Variants in SLC35F3 observed in about 807,000 individuals in gnomAD.
SLC35F3 encodes solute carrier family 35 member F3.
SLC35F3 carries 25 observed loss-of-function variants against 49.9 expected under a neutral mutation model. The observed-to-expected ratio is 0.50, with a 90% CI of 0.37 to 0.70. The LOEUF is 0.70. SLC35F3 is among the 30% of genes least tolerant of loss of function. SLC35F3 has a pLI of 0.00. For synonymous variants in SLC35F3, 275 were observed against 265.4 expected, an observed-to-expected ratio of 1.04 and a Z score of -0.35; for missense variants, 525 against 639.8, an observed-to-expected ratio of 0.82 and a Z score of 1.94.
intron 2 of SLC35F3, among the ~76,000 whole-genome samples, chr1:234,004,597 A>T (rs1467293539): frequency 2.6e-5 from 4 of 152,098 alleles, no homozygotes; most frequent in Non-Finnish European, 5.9e-5. Context: ...GAGTCAAATT[A>T]AAAACTAATT....
chr1:233,932,106 T>A (rs1325184844), intron 2 of SLC35F3, among the ~76,000 whole-genome samples: 1 of 150,938 alleles, frequency 6.6e-6, no homozygotes, highest in South Asian at 2.1e-4. Flanking sequence ...AACACATGGA[T>A]GGACACAGGG....
At chr1:234,052,819 G>A (rs1164567698) in intron 2 of SLC35F3, among the ~76,000 whole-genome samples, 2 of 152,206 alleles carry the variant, frequency 1.3e-5, no homozygotes, top group Non-Finnish European at 2.9e-5. Context: ...ATGTGTCCCA[G>A]AGATTCTGGT....
Position 234,231,548 on chromosome 1 carries a change from G to T in SLC35F3, c.415G>T (p.Val139Leu), listed in dbSNP as rs200834507. ...RAQLKKIFWG[V>L]AVVLCVCSSW... is the part of the protein sequence containing the mutation. ...GCAACTCAAGAAGATCTTCTGGGGC[G>T]TGGCGGTCGTGCTGTGCGTGTGCTC... is the stretch of plus-strand genomic sequence containing the variant. Residue 139 changes from valine to leucine, a missense_variant, in exon 3 of 8, where the codon GTG becomes TTG. By Grantham distance (32) the Val-to-Leu change is conservative (BLOSUM62 1). Transcript: ENST00000366618. This position sits in a 1 kb window ranked among gnomAD's most constrained non-coding sequence, Gnocchi z 5.4. 6.8e-6 allele frequency: 11 copies of T among 1,613,998 alleles called. No individual in the cohort carries two copies. Among genetic ancestry groups the T allele is most frequent in the Non-Finnish European group, 9.3e-6 (11 of 1,179,998 alleles).
chr1:234,017,007 C>T (rs1663810880), intron 2 of SLC35F3, among the ~76,000 whole-genome samples: 1 of 152,136 alleles, frequency 6.6e-6, no homozygotes, highest in Admixed American at 6.5e-5. Flanking sequence ...ATTCATTTAA[C>T]CCCATTAAAC....
chr1:234,061,837 T>C (rs1265145081), intron 2 of SLC35F3, among the ~76,000 whole-genome samples: 1 of 152,214 alleles, frequency 6.6e-6, no homozygotes, highest in Non-Finnish European at 1.5e-5. Context: ...TCTTTAGTGG[T>C]ACTCTATTAG....
At position 233,957,142 on chromosome 1, in the gene SLC35F3, G is replaced by A. The variant is rs1662717992; in HGVS notation, c.283+51384G>A. Among the ~76,000 whole-genome samples, 1 of 152,200 alleles carries A rather than the reference G, an allele frequency of 6.6e-6. No homozygotes were observed. Among genetic ancestry groups the A allele is most frequent in the Admixed American group, 6.5e-5 (1 of 15,286 alleles). ...ACCCTAAGAAACATGGGTAGGAGAA[G>A]AATAAAAGCTCTCACCCCTATTCCA... On this transcript the variant is annotated intron_variant, in intron 2 of 7. Coordinates refer to ENST00000366618, the MANE Select transcript of SLC35F3 (RefSeq NM_173508.4). The surrounding 1 kb of genome is among the most constrained non-coding windows in gnomAD (Gnocchi z 4.0).
chr1:234,006,157 A>C (rs939304512), intron 2 of SLC35F3, among the ~76,000 whole-genome samples: 9 of 152,138 alleles, frequency 5.9e-5, no homozygotes, highest in African/African-American at 2.2e-4. Flanking sequence ...TTCAGGCTGG[A>C]GGCTGGGAAC....
At chr1:234,116,459 A>G (rs529674256) in intron 2 of SLC35F3, among the ~76,000 whole-genome samples, 3 of 151,896 alleles carry the variant, frequency 2.0e-5, no homozygotes, top group African/African-American at 7.3e-5. Flanking sequence ...ATTGTCCCAA[A>G]TTTAGCAGTA....
intron 2 of SLC35F3, among the ~76,000 whole-genome samples, chr1:233,929,837 A>T (rs569326236): frequency 6.6e-6 from 1 of 152,298 alleles, no homozygotes; most frequent in East Asian, 1.9e-4. Flanking sequence ...TACAGGGATT[A>T]GAATAAGTTT....
chr1:233,908,536 CTTTTTTTT>C (rs898041195), intron 2 of SLC35F3, among the ~76,000 whole-genome samples: 6 of 84,892 alleles, frequency 7.1e-5, no homozygotes, highest in African/African-American at 2.3e-4. Flanking sequence ...GTAAAGGATT[CTTTTTTTT>C]TTTTTTTTTT....
chr1:233,982,673 T>C (rs1454855231), intron 2 of SLC35F3, among the ~76,000 whole-genome samples: 2 of 152,196 alleles, frequency 1.3e-5, no homozygotes, highest in Non-Finnish European at 2.9e-5. Context: ...TTAGATATGA[T>C]TCTTTTGTCA....
chr1:234,054,481 C>G (rs1664426284), intron 2 of SLC35F3, among the ~76,000 whole-genome samples: 1 of 152,212 alleles, frequency 6.6e-6, no homozygotes, highest in Non-Finnish European at 1.5e-5. Context: ...CCATGGTTTT[C>G]AACTCCATCA....
chr1:234,044,981 C>A (rs1380395350), intron 2 of SLC35F3, among the ~76,000 whole-genome samples: 1 of 152,114 alleles, frequency 6.6e-6, no homozygotes, highest in Non-Finnish European at 1.5e-5. Flanking sequence ...AATCTATTGC[C>A]AGTTATCTGC....
At chr1:233,909,366 T>C (rs992916778) in intron 2 of SLC35F3, among the ~76,000 whole-genome samples, 2 of 152,182 alleles carry the variant, frequency 1.3e-5, no homozygotes, top group African/African-American at 4.8e-5. Flanking sequence ...TTATCATCTG[T>C]TGAGTGGATC....
chr1:234,323,119 G>C lies in SLC35F3; in HGVS notation c.1349G>C (p.Trp450Ser). 4 of 1,614,142 alleles carry C rather than the reference G, an allele frequency of 2.5e-6. No individual in the cohort carries two copies. The highest frequency in any genetic ancestry group is 3.4e-6 in the Non-Finnish European group (4 of 1,180,026). ...LLLLPEEWDV[W>S]LIKLLTRLKV... Reference sequence around the variant, plus strand: ...CTCCTGCCAGAGGAGTGGGATGTCTGGTTGATCAAGCTGCTCACCCGACTC... The same window carrying C: ...CTCCTGCCAGAGGAGTGGGATGTCTCGTTGATCAAGCTGCTCACCCGACTC... Residue 450 changes from tryptophan (W) to serine (S), a missense_variant, in exon 8 of 8, where the codon TGG (tryptophan) becomes TCG (serine). Trp to Ser is a radical substitution (Grantham distance 177). This residue lies in a region of SLC35F3 where 76 missense variants were observed against 95.6 expected (regional missense o/e 0.80). Coordinates refer to ENST00000366618, the MANE Select transcript of SLC35F3 (RefSeq NM_173508.4). This position sits in a 1 kb window ranked among gnomAD's most constrained non-coding sequence, Gnocchi z 4.5.
At chr1:234,069,840 T>A (rs1664686232) in intron 2 of SLC35F3, among the ~76,000 whole-genome samples, 1 of 152,222 alleles carries the variant, frequency 6.6e-6, no homozygotes, top group South Asian at 2.1e-4. Flanking sequence ...CATGCTCAGT[T>A]GTGTCTTGAT....
intron 3 of SLC35F3, among the ~76,000 whole-genome samples, chr1:234,295,429 G>T (rs1486405415): frequency 6.6e-6 from 1 of 152,184 alleles, no homozygotes; most frequent in Non-Finnish European, 1.5e-5. Context: ...CCCTTTCATG[G>T]TGACAAATGC....
intron 3 of SLC35F3, among the ~76,000 whole-genome samples, chr1:234,269,856 G>A (rs1183794976): frequency 6.6e-6 from 1 of 152,048 alleles, no homozygotes; most frequent in Non-Finnish European, 1.5e-5. Context: ...CTCTCACCAC[G>A]TGATCTCTGC....
intron 2 of SLC35F3, among the ~76,000 whole-genome samples, chr1:233,933,826 T>C (rs1427292652): frequency 6.6e-6 from 1 of 152,038 alleles, no homozygotes; most frequent in East Asian, 1.9e-4. Context: ...GCATTCCAAC[T>C]TGAATGACAG....
Sources: gnomAD v4.1 joint callset for allele counts (sites outside exome capture counted in the v4.1 genomes callset) on GRCh38, gnomAD v4.1.1 for gene constraint, gnomAD v4.1.1 regional missense constraint, Gnocchi (gnomAD v3.1) non-coding constraint, MANE v1.5 for transcripts, NCBI Gene and HGNC (gene_info 2026-07-23, HGNC 2026-07-21) for gene names.